ERC1: variants seen among roughly 807,000 people sequenced by gnomAD.
ERC1 encodes RAB6 interacting protein 2.
In ERC1, 56 loss-of-function variants were observed where a neutral mutation model predicts 132.0. The observed-to-expected ratio is 0.42, with a 90% CI of 0.34 to 0.53. ERC1 has a LOEUF of 0.53. Ranked by LOEUF, ERC1 falls within the 20% of genes least tolerant of loss-of-function variation. The probability of loss-of-function intolerance (pLI) is 0.03; values close to 1 mark genes in which losing one functional copy is unlikely to be tolerated. For missense variants in ERC1, 1,202 were observed against 1,349.9 expected, an observed-to-expected ratio of 0.89 and a Z score of 1.72; for synonymous variants, 478 against 476.1, an observed-to-expected ratio of 1.00 and a Z score of -0.05.
chr12:1,141,328 T>C (rs951705117), intron 7 of ERC1, among the ~76,000 whole-genome samples: 5 of 152,160 alleles, frequency 3.3e-5, no homozygotes, highest in Non-Finnish European at 7.3e-5. Flanking sequence ...TGGAAACTTG[T>C]TAGAAATACT....
rs372479145 is a variant in ERC1, at chr12:1,142,812, C to G, written c.1737+1025C>G. 2.9e-4 allele frequency among the ~76,000 whole-genome samples: 44 copies of G among 152,184 alleles called. 2 individuals carry two copies. In the South Asian group the frequency reaches 9.1e-3, roughly 32 times the overall value. ...ACCCATTTTTGTTTTGAGTTCTTTCCTGCTTTTTTAAAAGTTGATTTGTAG... is the reference window on the plus strand; with the variant it reads ...ACCCATTTTTGTTTTGAGTTCTTTCGTGCTTTTTTAAAAGTTGATTTGTAG... On this transcript the variant is annotated intron_variant, in intron 8 of 18. Transcript: ENST00000360905.
intron 15 of ERC1, among the ~76,000 whole-genome samples, chr12:1,364,456 A>T (rs1156814128): frequency 2.0e-5 from 3 of 152,122 alleles, no homozygotes; most frequent in Non-Finnish European, 4.4e-5. Flanking sequence ...AGGATTTCAC[A>T]TTCTGTTTAT....
chr12:1,442,911 T>C (rs933233181), intron 17 of ERC1, among the ~76,000 whole-genome samples: 3 of 151,650 alleles, frequency 2.0e-5, no homozygotes, highest in Admixed American at 6.6e-5. Flanking sequence ...TTCTTTTTTA[T>C]TTTTTTTTAT....
chr12:1,400,916 A>ATTATTTTTTTTTTTTTTTTTTTTTTTTT (rs2090981093), intron 16 of ERC1, among the ~76,000 whole-genome samples: 1 of 15,040 alleles, frequency 6.6e-5, no homozygotes, highest in African/African-American at 3.1e-4. Flanking sequence ...CTATTTTTGT[A>ATTATTTTTTTTTTTTTTTTTTTTTTTTT]TTTTTTTTTT....
intron 1 of ERC1, among the ~76,000 whole-genome samples, chr12:1,006,991 G>A (rs139069501): frequency 1.3e-5 from 2 of 150,610 alleles, no homozygotes; most frequent in Admixed American, 1.3e-4. Context: ...AGTATATAGT[G>A]TATATATAGT....
At chr12:1,353,862 C>T (rs775244614) in intron 15 of ERC1, among the ~76,000 whole-genome samples, 21 of 152,178 alleles carry the variant, frequency 1.4e-4, no homozygotes, top group African/African-American at 1.4e-4. Flanking sequence ...AAACTAAATC[C>T]GATGGAAATT....
At chr12:1,074,367 G>A (rs1000743190) in intron 2 of ERC1, among the ~76,000 whole-genome samples, 1 of 151,986 alleles carries the variant, frequency 6.6e-6, no homozygotes, top group African/African-American at 2.4e-5. Context: ...GAGTGCAGTG[G>A]CGTGATCTTG....
chr12:1,341,228 G>A (rs1220791100), intron 15 of ERC1, among the ~76,000 whole-genome samples: 2 of 150,360 alleles, frequency 1.3e-5, no homozygotes, highest in Non-Finnish European at 3.0e-5. Flanking sequence ...TGAGTAGCTG[G>A]GACTACAGGC....
intron 18 of ERC1, among the ~76,000 whole-genome samples, chr12:1,482,170 G>A (rs932216713): frequency 1.3e-5 from 2 of 152,138 alleles, no homozygotes; most frequent in African/African-American, 2.4e-5. Context: ...AGCTGGAATC[G>A]CTTCCATCAA....
At chr12:1,436,594 T>C (rs915441572) in intron 17 of ERC1, among the ~76,000 whole-genome samples, 10 of 152,212 alleles carry the variant, frequency 6.6e-5, no homozygotes, top group Non-Finnish European at 1.5e-4. Flanking sequence ...TTGTTGTTTT[T>C]CAGATCCATC....
intron 1 of ERC1, among the ~76,000 whole-genome samples, chr12:1,010,419 G>T (rs1964483962): frequency 1.3e-5 from 2 of 148,856 alleles, no homozygotes; most frequent in African/African-American, 4.9e-5. Context: ...AGGAGAGGTT[G>T]CAGTGAGCCG....
chr12:1,397,154 C>T (rs1490643457), intron 16 of ERC1, among the ~76,000 whole-genome samples: 1 of 152,162 alleles, frequency 6.6e-6, no homozygotes, highest in Non-Finnish European at 1.5e-5. Context: ...AATTTAACAA[C>T]ACACTCAATT....
chr12:1,155,937 C>A (rs2154258149), intron 8 of ERC1, among the ~76,000 whole-genome samples: 1 of 151,840 alleles, frequency 6.6e-6, no homozygotes, highest in South Asian at 2.1e-4. Context: ...TTCTCCCATC[C>A]TTTGCTCCTC....
intron 2 of ERC1, among the ~76,000 whole-genome samples, chr12:1,048,933 G>A (rs1256208965): frequency 6.6e-6 from 1 of 152,168 alleles, no homozygotes; most frequent in East Asian, 1.9e-4. Context: ...AGTAGTGTTT[G>A]TCTATTTTAA....
At chr12:1,046,545 A>G (rs1481717516) in intron 2 of ERC1, among the ~76,000 whole-genome samples, 1 of 152,174 alleles carries the variant, frequency 6.6e-6, no homozygotes, top group Non-Finnish European at 1.5e-5. Context: ...TGGTAGATAG[A>G]GTAGTTGTGA....
At chr12:1,071,824 G>T (rs758635820) in intron 2 of ERC1, among the ~76,000 whole-genome samples, 1 of 152,126 alleles carries the variant, frequency 6.6e-6, no homozygotes, top group African/African-American at 2.4e-5. Flanking sequence ...TCTGAGGCTG[G>T]GCACAGTGGC....
intron 8 of ERC1, among the ~76,000 whole-genome samples, chr12:1,147,901 G>A (rs559303457): frequency 1.7e-4 from 26 of 152,280 alleles, no homozygotes; most frequent in Admixed American, 7.2e-4. Flanking sequence ...TAGGTCATAA[G>A]TGTTAGGGGC....
At chr12:1,011,728 G>C (rs530058101) in intron 1 of ERC1, among the ~76,000 whole-genome samples, 11 of 152,158 alleles carry the variant, frequency 7.2e-5, no homozygotes, top group Non-Finnish European at 1.6e-4. Flanking sequence ...GAGGTCAGTA[G>C]TTCAAGACCA....
chr12:1,133,149 C>T (rs1247044041), intron 7 of ERC1, among the ~76,000 whole-genome samples: 1 of 86,410 alleles, frequency 1.2e-5, no homozygotes, highest in Non-Finnish European at 2.5e-5. Context: ...TGAGCCACCA[C>T]ACCTGGCCGG....
Sources: allele counts gnomAD v4.1 joint callset (sites outside exome capture counted in the v4.1 genomes callset), GRCh38; gene constraint gnomAD v4.1.1; transcripts MANE v1.5; gene names NCBI Gene and HGNC (gene_info 2026-07-23, HGNC 2026-07-21).